Variants in ZFHX3 observed in about 807,000 individuals in gnomAD.
ZFHX3 encodes zinc finger homeobox 3.
A neutral mutation model predicts 279.1 loss-of-function variants in ZFHX3; 42 were observed. That is an observed-to-expected ratio of 0.15 (90% confidence interval 0.12 to 0.19). ZFHX3 has a LOEUF of 0.19. Among genes scored for constraint, ZFHX3 ranks in the 10% least tolerant of loss-of-function variants. The pLI is 1.00. For synonymous variants in ZFHX3, 2,293 were observed against 1,957.8 expected, an observed-to-expected ratio of 1.17 and a Z score of -4.52; for missense variants, 4,981 against 4,754.0, an observed-to-expected ratio of 1.05 and a Z score of -1.40.
In ZFHX3 at chr16:73,264,646, T is replaced by C. The variant is rs543680276; in HGVS notation, c.-1193-7510A>G. Reference sequence around the variant, plus strand: ...GTATTTGGTTACATGGGCAAGTTCTTTAGCCGTGATTTGTGAGATTTCAGT... The same window carrying C: ...GTATTTGGTTACATGGGCAAGTTCTCTAGCCGTGATTTGTGAGATTTCAGT... On this transcript the variant is annotated intron_variant, in intron 4 of 17. Coordinates refer to the ZFHX3 transcript ENST00000641206. Among the ~76,000 whole-genome samples the C allele has an allele frequency of 2.6e-5, 4 of 152,192 alleles. No homozygotes were observed. The South Asian group carries it at 6.2e-4, about 24-fold the overall frequency.
At chr16:73,239,061 C>T (rs924552755) in intron 5 of ZFHX3, among the ~76,000 whole-genome samples, 1 of 152,190 alleles carries the variant, frequency 6.6e-6, no homozygotes, top group Non-Finnish European at 1.5e-5. Context: ...AGAGACCGTG[C>T]CCTTCATCCC....
intron 2 of ZFHX3, among the ~76,000 whole-genome samples, chr16:73,599,741 A>AAAC (rs1246534737): frequency 1.3e-5 from 2 of 151,150 alleles, no homozygotes; most frequent in Non-Finnish European, 2.9e-5. Flanking sequence ...TTAAAAAAAA[A>AAAC]AAAAACAACA....
chr16:73,328,973 T>G (rs1314383754), intron 3 of ZFHX3, among the ~76,000 whole-genome samples: 2 of 152,236 alleles, frequency 1.3e-5, no homozygotes, highest in Non-Finnish European at 2.9e-5. Flanking sequence ...GTCCTCCTTA[T>G]ATTTGCAAAG....
At chr16:73,005,039 T>A (rs1022905085) in intron 1 of ZFHX3, among the ~76,000 whole-genome samples, 4 of 152,216 alleles carry the variant, frequency 2.6e-5, no homozygotes, top group Non-Finnish European at 5.9e-5. Flanking sequence ...GTGATAGAGA[T>A]CACTGGTTTT....
chr16:72,986,628 T>A lies in ZFHX3; in HGVS notation c.-49-26434A>T, dbSNP rs1291721842. On this transcript the variant is annotated intron_variant, in intron 1 of 9. Transcript: ENST00000268489. ...ACCGTTTTCCTCGAGACGCAAGTTA[T>A]TGAATTATCGGCACCGTCTCCAATG... 2.0e-5 allele frequency among the ~76,000 whole-genome samples: 3 copies of A among 152,206 alleles called. No individual in the cohort carries two copies. In the East Asian group the frequency reaches 5.8e-4, roughly 29 times the overall value.
At chr16:73,526,946 G>A (rs1047797620) in intron 2 of ZFHX3, among the ~76,000 whole-genome samples, 1 of 151,722 alleles carries the variant, frequency 6.6e-6, no homozygotes, top group Non-Finnish European at 1.5e-5. Flanking sequence ...AGACACAAAA[G>A]AATAAACTCC....
chr16:73,626,185 A>G (rs1375344559), intron 2 of ZFHX3, among the ~76,000 whole-genome samples: 1 of 152,200 alleles, frequency 6.6e-6, no homozygotes, highest in Non-Finnish European at 1.5e-5. Flanking sequence ...ATATTAACAT[A>G]GGACTACATA....
intron 3 of ZFHX3, among the ~76,000 whole-genome samples, chr16:72,900,457 G>C (rs62053187): frequency 0.2 from 30,622 of 152,216 alleles, 3,445 homozygotes; most frequent in Non-Finnish European, 0.26. Context: ...CTTACACAAA[G>C]CAATTTTAAA....
chr16:72,896,045 A>C (rs1014003477), intron 3 of ZFHX3, among the ~76,000 whole-genome samples: 4 of 152,220 alleles, frequency 2.6e-5, no homozygotes, highest in Non-Finnish European at 5.9e-5. Flanking sequence ...GAAGGAAGGA[A>C]GTATCTAGTT....
chr16:73,073,707 C>T (rs1196143269), intron 8 of ZFHX3, among the ~76,000 whole-genome samples: 1 of 152,100 alleles, frequency 6.6e-6, no homozygotes, highest in Non-Finnish European at 1.5e-5. Context: ...CCATGTTGGC[C>T]AGGCTTGTCT....
chr16:73,055,694 GCGCGCACA>G (rs151034594), intron 1 of ZFHX3, among the ~76,000 whole-genome samples: 26,059 of 137,610 alleles, frequency 0.19, 2,960 homozygotes, highest in Non-Finnish European at 0.27. Flanking sequence ...GCGCGCGCGC[GCGCGCACA>G]CACACACACA....
intron 1 of ZFHX3, among the ~76,000 whole-genome samples, chr16:73,823,249 G>C (rs16972659): frequency 0.058 from 8,820 of 152,160 alleles, 869 homozygotes; most frequent in African/African-American, 0.2. Context: ...ATTAGGCAGA[G>C]AGAAATAGGG....
intron 4 of ZFHX3, among the ~76,000 whole-genome samples, chr16:73,304,704 C>A (rs1018465508): frequency 6.6e-6 from 1 of 152,122 alleles, no homozygotes; most frequent in African/African-American, 2.4e-5. Flanking sequence ...CTCCTTTGAA[C>A]CAATCAAACT....
chr16:73,646,112 A>G (rs2052616209), intron 2 of ZFHX3, among the ~76,000 whole-genome samples: 2 of 152,230 alleles, frequency 1.3e-5, no homozygotes, highest in Admixed American at 6.5e-5. Context: ...TTTTATTCTA[A>G]AGAAATAAGT....
At chr16:73,747,410 A>C (rs1298723791) in intron 1 of ZFHX3, among the ~76,000 whole-genome samples, 1 of 152,182 alleles carries the variant, frequency 6.6e-6, no homozygotes, top group Non-Finnish European at 1.5e-5. Flanking sequence ...AATTCTTTAG[A>C]TCTTTGCTTA....
At chr16:73,086,902 C>G (rs1966017227) in intron 8 of ZFHX3, among the ~76,000 whole-genome samples, 1 of 151,860 alleles carries the variant, frequency 6.6e-6, no homozygotes, top group South Asian at 2.1e-4. Flanking sequence ...GACCCTGTCT[C>G]AAAAAACAAA....
chr16:73,465,392 G>A (rs956679214), intron 2 of ZFHX3, among the ~76,000 whole-genome samples: 23 of 152,196 alleles, frequency 1.5e-4, no homozygotes, highest in African/African-American at 5.5e-4. Context: ...CTTCCTTGGT[G>A]GGCCAGGCAG....
chr16:73,554,006 T>C (rs534533056), intron 2 of ZFHX3, among the ~76,000 whole-genome samples: 6 of 152,332 alleles, frequency 3.9e-5, no homozygotes, highest in African/African-American at 1.4e-4. Flanking sequence ...TCTGAACTGC[T>C]GCACCAGGAG....
intron 2 of ZFHX3, among the ~76,000 whole-genome samples, chr16:73,595,501 C>T (rs984032752): frequency 2.0e-5 from 3 of 152,152 alleles, no homozygotes; most frequent in African/African-American, 7.2e-5. Context: ...ACATCCTTTG[C>T]TTCCCTTCAC....
Sources: allele counts gnomAD v4.1 joint callset (sites outside exome capture counted in the v4.1 genomes callset), GRCh38; gene constraint gnomAD v4.1.1; transcripts MANE v1.5; gene names NCBI Gene and HGNC (gene_info 2026-07-23, HGNC 2026-07-21).